The following ABI3BP variants were observed in gnomAD, a reference collection of about 807,000 sequenced individuals.
ABI3BP encodes target of Nesh-SH3.
ABI3BP carries 216 observed loss-of-function variants against 268.6 expected under a neutral mutation model. The observed-to-expected ratio is 0.80, with a 90% CI of 0.72 to 0.90. ABI3BP has a LOEUF of 0.90. ABI3BP is among the 40% of genes least tolerant of loss of function. The pLI, the probability that ABI3BP is intolerant of heterozygous loss-of-function variation, is 0.00. For synonymous variants in ABI3BP, 730 were observed against 730.0 expected, an observed-to-expected ratio of 1.00 and a Z score of 0.00; for missense variants, 2,090 against 2,182.4, an observed-to-expected ratio of 0.96 and a Z score of 0.84.
At chr3:100,883,778 A>C (rs1194956231) in intron 6 of ABI3BP, among the ~76,000 whole-genome samples, 1 of 152,120 alleles carries the variant, frequency 6.6e-6, no homozygotes, top group African/African-American at 2.4e-5. Context: ...TTCCTCTTCT[A>C]AGTATCTATT....
At position 100,834,701 on chromosome 3, in the gene ABI3BP, G is replaced by A. The variant is rs752549596; in HGVS notation, c.2264C>T (p.Thr755Ile). The A allele has an allele frequency of 1.3e-5, 20 of 1,535,698 alleles. No individual in the cohort carries two copies. Among genetic ancestry groups the A allele is most frequent in the Non-Finnish European group, 1.7e-5 (19 of 1,146,532 alleles). Residue 755 changes from threonine to isoleucine, a missense_variant, in exon 29 of 68, where the codon ACA becomes ATA. Thr to Ile is a moderately conservative substitution (Grantham distance 89). Coordinates refer to ENST00000471714, the MANE Select transcript of ABI3BP (RefSeq NM_001375547.2). Reference protein sequence around the residue: ...PKHKTTPRPETLQTKLDFGPI... With the variant: ...PKHKTTPRPEILQTKLDFGPI... ...TTATTTACCTAGTTTGGTCTGCAGT[G>A]TCTCTGGGCGTGGCGTGGTTTTATG... is the stretch of plus-strand genomic sequence containing the variant.
chr3:100,818,578 G>C lies in ABI3BP; in HGVS notation c.3035C>G (p.Pro1012Arg), dbSNP rs1031432037. The C allele has an allele frequency of 2.6e-6, 4 of 1,534,634 alleles. No individual in the cohort carries two copies. The highest frequency in any genetic ancestry group is 3.5e-6 in the Non-Finnish European group (4 of 1,145,730). The change falls in exon 41 of 68, where the codon CCT (proline) becomes CGT (arginine). Residue 1012 changes from proline (P) to arginine (R), a missense_variant. By Grantham distance (103) the Pro-to-Arg change is moderately radical. Coordinates refer to ENST00000471714, the MANE Select transcript of ABI3BP (RefSeq NM_001375547.2). ...SPEVPQTKLVPSTDLEPGTLR... is the reference protein window; with the variant it reads ...SPEVPQTKLVRSTDLEPGTLR... Reference sequence around the variant, plus strand: ...AGTACCAGGTTCAAGATCTGTAGAAGGAACTAATTAAAAGCAATGAAATAA... The same window carrying C: ...AGTACCAGGTTCAAGATCTGTAGAACGAACTAATTAAAAGCAATGAAATAA...
At chr3:100,751,882 C>A (rs911352533) in intron 66 of ABI3BP, among the ~76,000 whole-genome samples, 1 of 152,120 alleles carries the variant, frequency 6.6e-6, no homozygotes, top group African/African-American at 2.4e-5. Context: ...AGTTAATGTT[C>A]GTTCTCTCCA....
At position 100,786,275 on chromosome 3, in the gene ABI3BP, T is replaced by G. The variant is rs1047280665; in HGVS notation, c.4162+1453A>C. ...GTCTACCTGTGCCCACCAGCCCAAT[T>G]TCTCCCAACAATTGACAAATTAAAT... On this transcript the variant is annotated intron_variant, in intron 57 of 67. Transcript: ENST00000471714. Among the ~76,000 whole-genome samples, 13 of 152,254 alleles carry G rather than the reference T, an allele frequency of 8.5e-5. 1 individual carries two copies. Among genetic ancestry groups the G allele is most frequent in the African/African-American group, 3.1e-4 (13 of 41,566 alleles).
intron 9 of ABI3BP, among the ~76,000 whole-genome samples, chr3:100,869,237 C>A (rs2099082992): frequency 7.8e-6 from 1 of 128,542 alleles, no homozygotes; most frequent in Admixed American, 8.3e-5. Flanking sequence ...TGAAGAAAGG[C>A]AAACTACCCC....
intron 66 of ABI3BP, 98 bp from the exon 67 acceptor site, chr3:100,751,772 A>G: frequency 8.1e-7 from 1 of 1,241,602 alleles, no homozygotes; most frequent in Admixed American, 2.5e-5. Context: ...TTCTCCCCTC[A>G]TTCTCTATTA....
chr3:100,880,220 C>T (rs1308209704), intron 6 of ABI3BP, among the ~76,000 whole-genome samples: 1 of 152,178 alleles, frequency 6.6e-6, no homozygotes, highest in Non-Finnish European at 1.5e-5. Context: ...GCCCCGCAGG[C>T]TCCCACACTG....
intron 1 of ABI3BP, among the ~76,000 whole-genome samples, chr3:100,979,114 C>T (rs2087848867): frequency 6.6e-6 from 1 of 152,160 alleles, no homozygotes; most frequent in Non-Finnish European, 1.5e-5. Context: ...GGGATGGAGC[C>T]CAGTGTTCTG....
In ABI3BP at chr3:100,934,892, G is replaced by A. The variant is rs561354325; in HGVS notation, c.80-8411C>T. 5.9e-5 allele frequency among the ~76,000 whole-genome samples: 9 copies of A among 152,102 alleles called. No individual in the cohort carries two copies. The South Asian group carries it at 6.2e-4, about 11-fold the overall frequency. On this transcript the variant is annotated intron_variant, in intron 1 of 67. Transcript: ENST00000471714. Reference sequence around the variant, plus strand: ...CTGGATATTAACCCTTTGTCAGATGGGTAGATTGCAAAAATTTTCTCCCAT... The same window carrying A: ...CTGGATATTAACCCTTTGTCAGATGAGTAGATTGCAAAAATTTTCTCCCAT...
At chr3:100,976,969 C>G (rs879724302) in intron 1 of ABI3BP, among the ~76,000 whole-genome samples, 1 of 152,220 alleles carries the variant, frequency 6.6e-6, no homozygotes, top group Non-Finnish European at 1.5e-5. Flanking sequence ...TTTAGCTGCT[C>G]TAAACTACCA....
chr3:100,864,647 G>GAC, intron 11 of ABI3BP, 186 bp downstream of exon 11: 1 of 560,492 alleles, frequency 1.8e-6, no homozygotes, highest in Non-Finnish European at 3.1e-6. Context: ...GATCAGCCAT[G>GAC]TGGTTAACTC....
chr3:100,870,694 G>A (rs1385512708), intron 9 of ABI3BP, among the ~76,000 whole-genome samples: 1 of 152,100 alleles, frequency 6.6e-6, no homozygotes, highest in African/African-American at 2.4e-5. Flanking sequence ...CCCTCTTCTG[G>A]ACATACGTCC....
chr3:100,765,831 G>A lies in ABI3BP; in HGVS notation c.4850+10C>T. The A allele has an allele frequency of 6.3e-7, 1 of 1,580,874 alleles. No individual in the cohort carries two copies. The highest frequency in any genetic ancestry group is 8.7e-7 in the Non-Finnish European group (1 of 1,154,794). On this transcript the variant is annotated intron_variant, in intron 63 of 67. Coordinates refer to ENST00000471714, the MANE Select transcript of ABI3BP (RefSeq NM_001375547.2). ...CTCAGAATTTACCTGGAATAGCACT[G>A]GTGGCTTACCTCGTGTTTGGTTTCA...
intron 62 of ABI3BP, among the ~76,000 whole-genome samples, chr3:100,766,742 T>C (rs1453135454): frequency 6.6e-6 from 1 of 152,120 alleles, no homozygotes; most frequent in Non-Finnish European, 1.5e-5. Flanking sequence ...GGGACTTAGC[T>C]TAATGCATGT....
At chr3:100,762,141 G>A (rs1372580565) in intron 63 of ABI3BP, among the ~76,000 whole-genome samples, 1 of 152,140 alleles carries the variant, frequency 6.6e-6, no homozygotes, top group East Asian at 1.9e-4. Context: ...TGTGGTGGCT[G>A]CATCCTGTAC....
At chr3:100,836,821 G>A (rs1378516361) in intron 27 of ABI3BP, among the ~76,000 whole-genome samples, 2 of 152,116 alleles carry the variant, frequency 1.3e-5, no homozygotes, top group Admixed American at 1.3e-4. Flanking sequence ...CCACAAAGAA[G>A]CAGAGGTTTC....
At chr3:100,986,343 A>C (rs1185476820) in intron 1 of ABI3BP, among the ~76,000 whole-genome samples, 1 of 152,238 alleles carries the variant, frequency 6.6e-6, no homozygotes, top group East Asian at 1.9e-4. Flanking sequence ...CTTGTGAGAC[A>C]TCTTGAAGGA....
chr3:100,772,801 G>T (rs980971126), intron 61 of ABI3BP, among the ~76,000 whole-genome samples: 22 of 152,126 alleles, frequency 1.4e-4, no homozygotes, highest in Non-Finnish European at 4.4e-5. Context: ...AATGCAGGCT[G>T]GGCGTGGTGG....
intron 63 of ABI3BP, among the ~76,000 whole-genome samples, chr3:100,764,043 A>G (rs2096128507): frequency 6.6e-6 from 1 of 151,950 alleles, no homozygotes; most frequent in South Asian, 2.1e-4. Flanking sequence ...TTTGCCTCCC[A>G]TCCACTTACC....
Sources: gnomAD v4.1 joint callset for allele counts (sites outside exome capture counted in the v4.1 genomes callset) on GRCh38, gnomAD v4.1.1 for gene constraint, MANE v1.5 for transcripts, NCBI Gene and HGNC (gene_info 2026-07-23, HGNC 2026-07-21) for gene names.